The following KCNMB2 variants were observed in gnomAD, a reference collection of about 807,000 sequenced individuals.
KCNMB2 encodes potassium calcium-activated channel subfamily M regulatory beta subunit 2.
Under a neutral mutation model 24.5 loss-of-function variants are expected in KCNMB2, and 9 were observed. The observed-to-expected ratio is 0.37, with a 90% CI of 0.22 to 0.64. The LOEUF (loss-of-function observed/expected upper bound fraction) is 0.64. Among genes scored for constraint, KCNMB2 ranks in the 30% least tolerant of loss-of-function variants. The probability of loss-of-function intolerance (pLI) is 0.63; values close to 1 mark genes in which losing one functional copy is unlikely to be tolerated. For missense variants in KCNMB2, 226 were observed against 284.3 expected (o/e 0.79, Z 1.47); for synonymous variants, 109 against 104.4 (o/e 1.04, Z -0.27).
rs1039382237 is a variant in KCNMB2 at position 178,807,337 on chromosome 3, T to C, written c.-67-6T>C. 1.1e-5 allele frequency: 14 copies of C among 1,247,416 alleles called. No homozygotes were observed. Among genetic ancestry groups the C allele is most frequent in the Non-Finnish European group, 1.5e-5 (13 of 852,348 alleles). The allele number at this position is 1,247,416 out of a possible 1,614,324, so 77.3% of individuals were successfully genotyped here. ...TGCTGTTAACTTCATTGTGTACCTC[T>C]TCTAGGTCTTTTTGCCATTCCTCCA... On this transcript the variant is annotated splice_region_variant and splice_polypyrimidine_tract_variant and intron_variant, in intron 1 of 4. Transcript: ENST00000452583.
At chr3:178,681,912 C>G (rs1043012517) in intron 1 of KCNMB2, among the ~76,000 whole-genome samples, 1 of 152,130 alleles carries the variant, frequency 6.6e-6, no homozygotes, top group African/African-American at 2.4e-5. Flanking sequence ...ATCAGCATAA[C>G]CCTCAACTTG....
intron 1 of KCNMB2, among the ~76,000 whole-genome samples, chr3:178,633,560 C>G: frequency 6.6e-6 from 1 of 152,192 alleles, no homozygotes; most frequent in Non-Finnish European, 1.5e-5. Context: ...TGTGGGGCAC[C>G]AAGGCCTGAG....
At chr3:178,767,664 T>C (rs1712177345) in intron 1 of KCNMB2, among the ~76,000 whole-genome samples, 1 of 152,222 alleles carries the variant, frequency 6.6e-6, no homozygotes, top group Admixed American at 6.5e-5. Context: ...AAGGAGATGA[T>C]GCCCCAAACA....
Position 178,759,723 on chromosome 3 carries a change from T to C in KCNMB2, c.-67-47620T>C, listed in dbSNP as rs1711649789. 3.6e-5 allele frequency among the ~76,000 whole-genome samples: 3 copies of C among 83,868 alleles called. No individual in the cohort carries two copies. In the Admixed American group the frequency reaches 4.2e-4, roughly 12 times the overall value. 55.0% of individuals were successfully genotyped at this position (83,868 alleles called of 152,430 possible). On this transcript the variant is annotated intron_variant, in intron 1 of 4. Coordinates refer to ENST00000452583, the MANE Select transcript of KCNMB2 (RefSeq NM_181361.3). ...ACATATATATATCCAAGAGGATATA[T>C]ATACACATATATATATCCAAGAGGA...
chr3:178,695,329 G>A (rs1283761210), intron 1 of KCNMB2, among the ~76,000 whole-genome samples: 1 of 152,262 alleles, frequency 6.6e-6, no homozygotes, highest in Non-Finnish European at 1.5e-5. Context: ...TGCCATTAAG[G>A]TCTCTGACAT....
chr3:178,575,955 G>C (rs79216713), intron 1 of KCNMB2, among the ~76,000 whole-genome samples: 4,777 of 152,138 alleles, frequency 0.031, 111 homozygotes, highest in South Asian at 0.061. Context: ...TGATTTTTAA[G>C]TCAGAAGTTT....
intron 1 of KCNMB2, among the ~76,000 whole-genome samples, chr3:178,586,105 C>T (rs968179385): frequency 6.6e-6 from 1 of 152,148 alleles, no homozygotes; most frequent in African/African-American, 2.4e-5. Flanking sequence ...CTCTTTGCCT[C>T]GTTTACATAG....
chr3:178,571,924 G>T (rs1201122213), intron 1 of KCNMB2, among the ~76,000 whole-genome samples: 1 of 152,080 alleles, frequency 6.6e-6, no homozygotes, highest in Admixed American at 6.5e-5. Flanking sequence ...TCTTTATCCA[G>T]CTTATCACTG....
intron 1 of KCNMB2, among the ~76,000 whole-genome samples, chr3:178,597,229 A>G (rs1389921101): frequency 6.6e-6 from 1 of 152,102 alleles, no homozygotes; most frequent in African/African-American, 2.4e-5. Context: ...GTTGAAAATC[A>G]TTGCCTTGTT....
chr3:178,584,052 C>T (rs1717322043), intron 1 of KCNMB2, among the ~76,000 whole-genome samples: 1 of 152,176 alleles, frequency 6.6e-6, no homozygotes, highest in South Asian at 2.1e-4. Flanking sequence ...CTAACTTCTC[C>T]AAGGGCACTG....
intron 1 of KCNMB2, among the ~76,000 whole-genome samples, chr3:178,800,789 C>T (rs1713743805): frequency 6.6e-6 from 1 of 152,098 alleles, no homozygotes; most frequent in African/African-American, 2.4e-5. Flanking sequence ...TGTCCATCAA[C>T]AGATGAATAG....
At chr3:178,743,622 C>T (rs538660431) in intron 1 of KCNMB2, among the ~76,000 whole-genome samples, 6 of 152,308 alleles carry the variant, frequency 3.9e-5, no homozygotes, top group South Asian at 2.1e-4. Flanking sequence ...ATCTCTGCGT[C>T]GTGTTGATCA....
intron 1 of KCNMB2, among the ~76,000 whole-genome samples, chr3:178,620,587 G>A (rs1038943259): frequency 2.0e-5 from 3 of 152,134 alleles, no homozygotes; most frequent in Admixed American, 6.5e-5. Context: ...CTAATTCTAT[G>A]AGGTCTCCTT....
intron 1 of KCNMB2, among the ~76,000 whole-genome samples, chr3:178,755,174 C>A (rs1332554631): frequency 6.6e-6 from 1 of 152,192 alleles, no homozygotes; most frequent in African/African-American, 2.4e-5. Flanking sequence ...GCAGCAGCAA[C>A]AAGGAGACAT....
intron 1 of KCNMB2, among the ~76,000 whole-genome samples, chr3:178,685,089 G>GT (rs765170041): frequency 0.082 from 12,506 of 152,240 alleles, 546 homozygotes; most frequent in Middle Eastern, 0.13. Context: ...TGGGGACCAT[G>GT]CCTACCCAAC....
Position 178,538,277 on chromosome 3 carries a change from T to G in KCNMB2, c.-68+1566T>G, listed in dbSNP as rs148126625. ...CCACGAAATGACTGTATGGAATTCT[T>G]GGTGCATTTGATAGCTATGACATCG... On this transcript the variant is annotated intron_variant, in intron 1 of 4. Transcript: ENST00000452583. Among the ~76,000 whole-genome samples, 14 of 152,362 alleles carry G rather than the reference T, an allele frequency of 9.2e-5. No homozygotes were observed. In the East Asian group the frequency reaches 2.7e-3, roughly 29 times the overall value.
chr3:178,563,395 G>A (rs1716393959), intron 1 of KCNMB2, among the ~76,000 whole-genome samples: 1 of 152,122 alleles, frequency 6.6e-6, no homozygotes. Context: ...TAGCTGGAGC[G>A]CAAACATTCA....
chr3:178,551,435 T>C (rs1191431095), intron 1 of KCNMB2, among the ~76,000 whole-genome samples: 4 of 152,216 alleles, frequency 2.6e-5, no homozygotes, highest in Non-Finnish European at 5.9e-5. Flanking sequence ...GCTCTTCTAA[T>C]GTAAACTGCA....
chr3:178,798,280 G>A (rs1560025965), intron 1 of KCNMB2, among the ~76,000 whole-genome samples: 1 of 152,082 alleles, frequency 6.6e-6, no homozygotes, highest in Non-Finnish European at 1.5e-5. Flanking sequence ...TTTGTCATAA[G>A]TGGCTTTTAT....
Sources: allele counts gnomAD v4.1 joint callset (sites outside exome capture counted in the v4.1 genomes callset), GRCh38; gene constraint gnomAD v4.1.1; transcripts MANE v1.5; gene names NCBI Gene and HGNC (gene_info 2026-07-23, HGNC 2026-07-21).